Variants in COL25A1 observed in about 807,000 individuals in gnomAD.
COL25A1 encodes collagen type XXV alpha 1 chain.
COL25A1 carries 103 observed loss-of-function variants against 128.4 expected under a neutral mutation model. The ratio of observed to expected loss-of-function variants is 0.80; its 90% CI spans 0.68 to 0.94. The LOEUF is 0.94. COL25A1 is among the 40% of genes least tolerant of loss of function. The pLI, the probability that COL25A1 is intolerant of heterozygous loss-of-function variation, is 0.00. For synonymous variants in COL25A1, 279 were observed against 277.2 expected (o/e 1.01, Z -0.06); for missense variants, 745 against 840.0 (o/e 0.89, Z 1.40).
intron 3 of COL25A1, among the ~76,000 whole-genome samples, chr4:109,084,685 C>T (rs1764200805): frequency 6.6e-6 from 1 of 152,112 alleles, no homozygotes; most frequent in South Asian, 2.1e-4. Flanking sequence ...TATGTTTAAG[C>T]CCATATTCCA....
chr4:109,277,193 T>C (rs1722931380), intron 3 of COL25A1, among the ~76,000 whole-genome samples: 1 of 152,172 alleles, frequency 6.6e-6, no homozygotes, highest in African/African-American at 2.4e-5. Context: ...CTTAGCCTTC[T>C]CCTTGTATCC....
intron 3 of COL25A1, among the ~76,000 whole-genome samples, chr4:109,291,977 TTTTACTA>T (rs2126285596): frequency 6.6e-6 from 1 of 152,254 alleles, no homozygotes; most frequent in Non-Finnish European, 1.5e-5. Context: ...GAATACATAA[TTTTACTA>T]CCATCATCTA....
chr4:108,870,426 G>T (rs1314829539), intron 19 of COL25A1, among the ~76,000 whole-genome samples: 1 of 149,748 alleles, frequency 6.7e-6, no homozygotes, highest in African/African-American at 2.5e-5. Context: ...TCTAGCCCTG[G>T]TGCTCATGAG....
intron 11 of COL25A1, chr4:108,920,999 T>C (rs1273428200): frequency 1.2e-5 from 2 of 160,728 alleles, no homozygotes; most frequent in Non-Finnish European, 2.7e-5. Flanking sequence ...AGATGACTTC[T>C]GCACCTGCAA....
intron 3 of COL25A1, among the ~76,000 whole-genome samples, chr4:109,094,418 ATCT>A (rs1401628803): frequency 2.0e-5 from 3 of 152,146 alleles, no homozygotes; most frequent in Non-Finnish European, 4.4e-5. Context: ...TATCACTGTA[ATCT>A]TCTTGAACAT....
At chr4:108,995,582 A>T (rs974416052) in intron 6 of COL25A1, among the ~76,000 whole-genome samples, 1 of 152,238 alleles carries the variant, frequency 6.6e-6, no homozygotes, top group Non-Finnish European at 1.5e-5. Flanking sequence ...CAACCTAGCA[A>T]GGCAGGCCAA....
At chr4:108,826,935 T>A (rs1020452530) in intron 33 of COL25A1, among the ~76,000 whole-genome samples, 200 bp downstream of exon 33, 1 of 152,300 alleles carries the variant, frequency 6.6e-6, no homozygotes, top group Middle Eastern at 3.4e-3. Context: ...CCTGGATATG[T>A]GTCTGTACAT....
intron 6 of COL25A1, among the ~76,000 whole-genome samples, chr4:108,977,975 T>C (rs1752600691): frequency 6.6e-6 from 1 of 152,204 alleles, no homozygotes; most frequent in African/African-American, 2.4e-5. Context: ...GGCACCTTGT[T>C]AGGTTACACA....
At chr4:108,865,220 G>T (rs1342212949) in intron 20 of COL25A1, among the ~76,000 whole-genome samples, 1 of 152,146 alleles carries the variant, frequency 6.6e-6, no homozygotes, top group African/African-American at 2.4e-5. Flanking sequence ...TGAAAGAGGT[G>T]CTCTCCTCAC....
At chr4:108,962,383 G>A (rs530810990) in intron 8 of COL25A1, among the ~76,000 whole-genome samples, 1 of 152,112 alleles carries the variant, frequency 6.6e-6, no homozygotes, top group South Asian at 2.1e-4. Context: ...GTTTCACCAC[G>A]TTGGCTAGGA....
At chr4:109,034,786 T>C (rs1759186326) in intron 5 of COL25A1, among the ~76,000 whole-genome samples, 1 of 152,228 alleles carries the variant, frequency 6.6e-6, no homozygotes, top group Non-Finnish European at 1.5e-5. Flanking sequence ...TCAATTTCTA[T>C]ATATGCATCA....
At chr4:109,245,578 A>G (rs1211074660) in intron 3 of COL25A1, among the ~76,000 whole-genome samples, 1 of 152,184 alleles carries the variant, frequency 6.6e-6, no homozygotes, top group Non-Finnish European at 1.5e-5. Context: ...CCAATCACCT[A>G]TAACCATTAT....
intron 22 of COL25A1, among the ~76,000 whole-genome samples, chr4:108,861,602 T>C (rs1415682179): frequency 6.6e-6 from 1 of 152,186 alleles, no homozygotes; most frequent in African/African-American, 2.4e-5. Flanking sequence ...TCTCTCTTTT[T>C]TCAATGCAAT....
intron 5 of COL25A1, among the ~76,000 whole-genome samples, chr4:109,033,028 G>T (rs577249663): frequency 6.6e-6 from 1 of 152,180 alleles, no homozygotes; most frequent in African/African-American, 2.4e-5. Flanking sequence ...TATCCCACCA[G>T]GTCCTCCATA....
chr4:109,174,572 G>A (rs931578453), intron 3 of COL25A1, among the ~76,000 whole-genome samples: 1 of 152,094 alleles, frequency 6.6e-6, no homozygotes, highest in African/African-American at 2.4e-5. Context: ...ACCCCTCTGT[G>A]GCACTGCAGG....
chr4:108,892,503 A>G (rs1208283635), intron 16 of COL25A1, among the ~76,000 whole-genome samples: 1 of 152,240 alleles, frequency 6.6e-6, no homozygotes, highest in Non-Finnish European at 1.5e-5. Flanking sequence ...AGACATATCT[A>G]TTAATAGATG....
chr4:109,300,396 T>A (rs1725398533), intron 3 of COL25A1, among the ~76,000 whole-genome samples, 187 bp downstream of exon 3: 1 of 152,238 alleles, frequency 6.6e-6, no homozygotes, highest in South Asian at 2.1e-4. Flanking sequence ...GGCCTTGGTA[T>A]GCTGCTTAAA....
intron 31 of COL25A1, among the ~76,000 whole-genome samples, chr4:108,841,367 TA>T (rs72386907): frequency 0.012 from 1,854 of 151,834 alleles, 31 homozygotes; most frequent in African/African-American, 0.039. Context: ...GAGACACCAT[TA>T]AAAAAAAGCA....
At position 108,808,803 on chromosome 4, in the gene COL25A1, CT is replaced by C. The variant is rs1205525602; in HGVS notation, c.*5123del. The C allele has an allele frequency of 6.6e-6, 1 of 152,100 alleles. No individual in the cohort carries two copies. Among genetic ancestry groups the C allele is most frequent in the Non-Finnish European group, 1.5e-5 (1 of 68,028 alleles). 9.4% of individuals were successfully genotyped at this position (152,100 alleles called of 1,614,324 possible). ...GGATTAATATTGTAATAATTACACA[CT>C]TTTTACATTATGAAAATAAGTCATA... On this transcript the variant is annotated 3_prime_UTR_variant, in exon 38 of 38. Transcript: ENST00000399132.
Sources: allele counts gnomAD v4.1 joint callset (sites outside exome capture counted in the v4.1 genomes callset), GRCh38; gene constraint gnomAD v4.1.1; transcripts MANE v1.5; gene names NCBI Gene and HGNC (gene_info 2026-07-23, HGNC 2026-07-21).